POU2AF1: variants seen among roughly 807,000 people sequenced by gnomAD.
POU2AF1 encodes POU domain class 2-associating factor 1.
A neutral mutation model predicts 26.3 loss-of-function variants in POU2AF1; 12 were observed. The ratio of observed to expected loss-of-function variants is 0.46; its 90% CI spans 0.29 to 0.74. The LOEUF (loss-of-function observed/expected upper bound fraction) is 0.74. POU2AF1 is among the 30% of genes least tolerant of loss of function. The pLI, the probability that POU2AF1 is intolerant of heterozygous loss-of-function variation, is 0.09. For missense variants in POU2AF1, 297 were observed against 334.5 expected (o/e 0.89, Z 0.87); for synonymous variants, 175 against 148.0 (o/e 1.18, Z -1.32).
rs148482878 is a variant in POU2AF1, at chr11:111,352,928, G to A, written c.*1333C>T. Reference sequence around the variant, plus strand: ...AGCCTGGGCAATGGAGTGAGACTCCGTCCCAAAAAAAACCAAAAAAAAGAA... The same window carrying A: ...AGCCTGGGCAATGGAGTGAGACTCCATCCCAAAAAAAACCAAAAAAAAGAA... On this transcript the variant is annotated 3_prime_UTR_variant, in exon 5 of 5. Coordinates refer to ENST00000393067, the MANE Select transcript of POU2AF1 (RefSeq NM_006235.3). 128 of 175,644 alleles carry A rather than the reference G, an allele frequency of 7.3e-4. No homozygotes were observed. The East Asian group carries it at 0.011, about 15-fold the overall frequency. The allele number at this position is 175,644 out of a possible 1,614,324, so 10.9% of individuals were successfully genotyped here.
intron 4 of POU2AF1, among the ~76,000 whole-genome samples, chr11:111,356,933 G>A (rs1860857142): frequency 6.6e-6 from 1 of 152,178 alleles, no homozygotes; most frequent in Non-Finnish European, 1.5e-5. Context: ...AAGGCAATCT[G>A]ACAGTAGAGA....
chr11:111,358,552 ACT>A (rs764755129), intron 2 of POU2AF1, among the ~76,000 whole-genome samples: 270 of 149,418 alleles, frequency 1.8e-3, no homozygotes, highest in Middle Eastern at 7.0e-3. Context: ...ACACATACAC[ACT>A]CACATGCATA....
At position 111,358,446 on chromosome 11, in the gene POU2AF1, A is replaced by ACT. The variant is rs1555074404; in HGVS notation, c.147+341_147+342insAG. Among the ~76,000 whole-genome samples, 34 of 101,142 alleles carry ACT rather than the reference A, an allele frequency of 3.4e-4. 3 individuals are homozygous for ACT. Among genetic ancestry groups the ACT allele is most frequent in the African/African-American group, 1.1e-3 (31 of 27,898 alleles). The allele number at this position is 101,142 out of a possible 152,430, so 66.4% of individuals were successfully genotyped here. A position where few individuals can be genotyped will look rare whatever the true frequency, so the allele number is the denominator to read the frequency against. On this transcript the variant is annotated intron_variant, in intron 2 of 4. Coordinates refer to ENST00000393067, the MANE Select transcript of POU2AF1 (RefSeq NM_006235.3). ...CTCACACTCTCACACTCACTCTCAC[A>ACT]CACACACACTCTCTCACACACATAC... is the stretch of plus-strand genomic sequence containing the variant.
intron 1 of POU2AF1, among the ~76,000 whole-genome samples, chr11:111,366,645 C>T (rs572718035): frequency 6.6e-6 from 1 of 152,284 alleles, no homozygotes; most frequent in East Asian, 1.9e-4. Context: ...ATAGGCAGGT[C>T]CCCTGGGAAA....
rs1386893308 is a variant in POU2AF1, at chr11:111,352,977, GGAAGGAAGGAAGGAAA to G, written c.*1268_*1283del. 193 of 65,356 alleles carry G rather than the reference GGAAGGAAGGAAGGAAA, an allele frequency of 3.0e-3. 1 individual carries two copies. The East Asian group carries it at 0.03, about 10-fold the overall frequency. The allele number at this position is 65,356 out of a possible 1,614,324, so 4.0% of individuals were successfully genotyped here. A position where few individuals can be genotyped will look rare whatever the true frequency, so the allele number is the denominator to read the frequency against. On this transcript the variant is annotated 3_prime_UTR_variant, in exon 5 of 5. Transcript: ENST00000393067. ...AAAGAAAGAGAGAGGAAGGAAGGAA[GGAAGGAAGGAAGGAAA>G]GAAGGAAGGAAGGAAGGAAGGAAGG...
chr11:111,379,014 C>CCCCCCCCCCCCCCCG, intron 1 of POU2AF1, 148 bp downstream of exon 1: 1 of 368,410 alleles, frequency 2.7e-6, no homozygotes. Flanking sequence ...CCACCTCCCC[C>CCCCCCCCCCCCCCCG]CTCCCTGCTC....
intron 1 of POU2AF1, among the ~76,000 whole-genome samples, chr11:111,376,742 G>A (rs1237164772): frequency 1.3e-5 from 2 of 152,166 alleles, no homozygotes; most frequent in Non-Finnish European, 2.9e-5. Flanking sequence ...CTTGGTGTCT[G>A]ATTTCAAACC....
At chr11:111,372,004 C>T (rs1307396627) in intron 1 of POU2AF1, among the ~76,000 whole-genome samples, 1 of 150,998 alleles carries the variant, frequency 6.6e-6, no homozygotes, top group Non-Finnish European at 1.5e-5. Flanking sequence ...TCTTACTCTC[C>T]ACACCCCACC....
rs961434041 is a variant in POU2AF1, at chr11:111,358,693, C to T, written c.147+95G>A. ...ACAAACACATACACACACGCATACA[C>T]ATACTCACACACACATACACTCTCA... On this transcript the variant is annotated intron_variant, in intron 2 of 4. Transcript: ENST00000393067. 6 of 1,160,388 alleles carry T rather than the reference C, an allele frequency of 5.2e-6. No homozygotes were observed. The Admixed American group carries it at 7.5e-5, about 14-fold the overall frequency. 71.9% of individuals were successfully genotyped at this position (1,160,388 alleles called of 1,614,324 possible).
chr11:111,368,965 C>A (rs1027963895), intron 1 of POU2AF1, among the ~76,000 whole-genome samples: 2 of 152,194 alleles, frequency 1.3e-5, no homozygotes, highest in African/African-American at 4.8e-5. Flanking sequence ...TACAGTGACC[C>A]TAACTTGCCT....
chr11:111,364,832 G>A (rs760944696), intron 1 of POU2AF1, among the ~76,000 whole-genome samples: 3 of 152,250 alleles, frequency 2.0e-5, no homozygotes, highest in Non-Finnish European at 4.4e-5. Flanking sequence ...GGATGGAGCA[G>A]AGGAGAGGAA....
chr11:111,353,662 G>A lies in POU2AF1; in HGVS notation c.*599C>T, dbSNP rs887447113. On this transcript the variant is annotated 3_prime_UTR_variant, in exon 5 of 5. Transcript: ENST00000393067. ...AGGTGCTGTCGGGGCTGGTCTTCCC[G>A]CCGGCCACCACATACATCTTAAAAT... The A allele has an allele frequency of 1.7e-5, 4 of 233,982 alleles. No homozygotes were observed. The highest frequency in any genetic ancestry group is 2.5e-5 in the Non-Finnish European group (3 of 118,770). The allele number at this position is 233,982 out of a possible 1,614,324, so 14.5% of individuals were successfully genotyped here. A position where few individuals can be genotyped will look rare whatever the true frequency, so the allele number is the denominator to read the frequency against.
rs763565222 is a variant in POU2AF1 at position 111,354,476 on chromosome 11, G to A, written c.556C>T (p.Leu186=). Reference sequence around the variant, plus strand: ...TGGTACTGCAGGGTGGAGGTGGGTAGTGTGGAAAGGGGCTGAGGCCACGGG... The same window carrying A: ...TGGTACTGCAGGGTGGAGGTGGGTAATGTGGAAAGGGGCTGAGGCCACGGG... The part of the protein sequence containing the change: ...YFPWPQPLST[L]PTSTLQYQPP... The change falls in exon 5 of 5, where the codon CTA becomes TTA. Residue 186 remains leucine (L), a synonymous_variant. Transcript: ENST00000393067. 6.0e-5 allele frequency: 96 copies of A among 1,610,332 alleles called. No homozygotes were observed. The highest frequency in any genetic ancestry group is 3.3e-4 in the Middle Eastern group (2 of 6,022).
chr11:111,369,354 G>C (rs1486188643), intron 1 of POU2AF1, among the ~76,000 whole-genome samples: 1 of 152,196 alleles, frequency 6.6e-6, no homozygotes, highest in Admixed American at 6.5e-5. Flanking sequence ...GGATATTTTT[G>C]AATGGCAGCG....
intron 2 of POU2AF1, 139 bp from the exon 3 acceptor site, chr11:111,357,976 G>C (rs935498605): frequency 1.1e-6 from 1 of 942,030 alleles, no homozygotes; most frequent in Non-Finnish European, 1.6e-6. Context: ...ATCCCACCCC[G>C]TATCCCAACC....
chr11:111,358,790 C>T lies in POU2AF1; in HGVS notation c.145G>A (p.Ala49Thr). ...CTCTCACACACACAAACTCTCACCG[C>T]CGTAGGTGCAGGTGCTGCCCCACTG... Reference protein sequence around the residue: ...ASSGAAPAPTAVVLPHQPLAT... With the variant: ...ASSGAAPAPTTVVLPHQPLAT... The change falls in exon 2 of 5, where the codon GCG (alanine) becomes ACG (threonine). Residue 49 changes from alanine to threonine, a missense_variant and splice_region_variant. Physicochemically the swap from Ala to Thr is moderately conservative, Grantham distance 58 (BLOSUM62 0). Coordinates refer to ENST00000393067, the MANE Select transcript of POU2AF1 (RefSeq NM_006235.3). The T allele has an allele frequency of 6.3e-7, 1 of 1,589,514 alleles. No individual in the cohort carries two copies. The highest frequency in any genetic ancestry group is 1.3e-5 in the African/African-American group (1 of 74,460).
intron 1 of POU2AF1, chr11:111,363,890 C>A (rs924178741): frequency 1.0e-6 from 1 of 985,386 alleles, no homozygotes; most frequent in Non-Finnish European, 1.2e-6. Flanking sequence ...AAGAGTCCAT[C>A]ACGGAGGAAA....
At chr11:111,358,642 T>G (rs1366103474) in intron 2 of POU2AF1, 146 bp downstream of exon 2, 8 of 1,006,300 alleles carry the variant, frequency 7.9e-6, no homozygotes, top group African/African-American at 4.9e-5. Flanking sequence ...TCTCACACTA[T>G]CACACTCTCA....
intron 4 of POU2AF1, 101 bp downstream of exon 4, chr11:111,357,344 G>A: frequency 2.6e-6 from 4 of 1,516,740 alleles, no homozygotes; most frequent in South Asian, 1.2e-5. Context: ...TGATTATCTT[G>A]AGAATCAATA....
Sources: allele counts gnomAD v4.1 joint callset (sites outside exome capture counted in the v4.1 genomes callset), GRCh38; gene constraint gnomAD v4.1.1; transcripts MANE v1.5; gene names NCBI Gene and HGNC (gene_info 2026-07-23, HGNC 2026-07-21).